PCDHB8: variants seen among roughly 807,000 people sequenced by gnomAD.
The protein encoded by PCDHB8 is protocadherin beta 8, also known as protocadherin beta-8.
For synonymous variants in PCDHB8, 385 were observed against 448.5 expected, an observed-to-expected ratio of 0.86 and a Z score of 1.79; for missense variants, 836 against 1,004.0, an observed-to-expected ratio of 0.83 and a Z score of 2.26.
Position 141,180,108 on chromosome 5 carries a change from G to T in PCDHB8, c.2074G>T (p.Val692Leu), listed in dbSNP as rs782304914. 2.4e-5 allele frequency: 39 copies of T among 1,610,764 alleles called. No homozygotes were observed. The highest frequency in any genetic ancestry group is 1.4e-4 in the South Asian group (13 of 90,998). ...GGCCGACTCTCTCACCGTCTACCTG[G>T]TGGTGGCGTTGGCCTCGGTGTCTTC... ...GQADSLTVYL[V>L]VALASVSSLF... Residue 692 changes from valine (V) to leucine (L), a missense_variant, in exon 1 of 1, where the codon GTG (valine) becomes TTG (leucine). Val to Leu is a conservative substitution (Grantham distance 32, BLOSUM62 1). Transcript: ENST00000239444.
In PCDHB8 at chr5:141,177,950, T is replaced by G. The variant is rs1554280818; in HGVS notation, c.-85T>G. 3 of 1,597,602 alleles carry G rather than the reference T, an allele frequency of 1.9e-6. No individual in the cohort carries two copies. The highest frequency in any genetic ancestry group is 1.4e-5 in the African/African-American group (1 of 73,582). On this transcript the variant is annotated 5_prime_UTR_variant, in exon 1 of 1. Transcript: ENST00000239444. ...TACTCACTGGCATATTTCTGAGGTATCTGTAGAAAACCACAGCCTCAGATA... is the reference window on the plus strand; with the variant it reads ...TACTCACTGGCATATTTCTGAGGTAGCTGTAGAAAACCACAGCCTCAGATA...
At position 141,178,949 on chromosome 5, in the gene PCDHB8, G is replaced by C; in HGVS notation, c.915G>C (p.Lys305Asn). 1 of 1,614,214 alleles carries C rather than the reference G, an allele frequency of 6.2e-7. No individual in the cohort carries two copies. Among genetic ancestry groups the C allele is most frequent in the Non-Finnish European group, 8.5e-7 (1 of 1,180,038 alleles). Residue 305 changes from lysine (K) to asparagine (N), a missense_variant, in exon 1 of 1, where the codon AAG becomes AAC. Coordinates refer to ENST00000239444, the MANE Select transcript of PCDHB8 (RefSeq NM_019120.5). Reference sequence around the variant, plus strand: ...TCTTGACAGGAGAAATTCGACTAAAGAAACAACTTGATTTCGAAAAATTTC... The same window carrying C: ...TCTTGACAGGAGAAATTCGACTAAACAAACAACTTGATTTCGAAAAATTTC... ...VDFLTGEIRL[K>N]KQLDFEKFQS...
Position 141,179,541 on chromosome 5 carries a change from T to C in PCDHB8, c.1507T>C (p.Ser503Pro). 2 of 1,613,738 alleles carry C rather than the reference T, an allele frequency of 1.2e-6. No homozygotes were observed. The highest frequency in any genetic ancestry group is 1.7e-6 in the Non-Finnish European group (2 of 1,180,004). ...CCAGGATCCGCACCTGCCCCTCGCC[T>C]CCCTGGTCTCCATCAACACAGACAA... ...PPQDPHLPLA[S>P]LVSINTDNGH... Residue 503 changes from serine (S) to proline (P), a missense_variant, in exon 1 of 1, where the codon TCC becomes CCC. Physicochemically the swap from Ser to Pro is moderately conservative, Grantham distance 74 (BLOSUM62 -1). Coordinates refer to ENST00000239444, the MANE Select transcript of PCDHB8 (RefSeq NM_019120.5).
rs1288264307 is a variant in PCDHB8, at chr5:141,179,780, G to A, written c.1746G>A (p.Glu582=). The change falls in exon 1 of 1, where the codon GAG becomes GAA. Residue 582 remains glutamate, a synonymous_variant. Transcript: ENST00000239444. ...CCGAGCTGGTGCCCCGGGCGGCCGA[G>A]CCGGGCTACCTGGTGACCAAGGTGG... is the stretch of plus-strand genomic sequence containing the variant. The part of the protein sequence containing the change: ...PCTELVPRAA[E]PGYLVTKVVA... 1.2e-6 allele frequency: 2 copies of A among 1,610,724 alleles called. No homozygotes were observed. Among genetic ancestry groups the A allele is most frequent in the African/African-American group, 1.3e-5 (1 of 74,864 alleles).
In PCDHB8 at chr5:141,179,666, C is replaced by A. The variant is rs61741179; in HGVS notation, c.1632C>A (p.Ser544Arg). 4 of 1,612,546 alleles carry A rather than the reference C, an allele frequency of 2.5e-6. No individual in the cohort carries two copies. In the South Asian group the frequency reaches 3.3e-5, roughly 13 times the overall value. The change falls in exon 1 of 1, where the codon AGC becomes AGA. Residue 544 changes from serine to arginine, a missense_variant. By Grantham distance (110) the Ser-to-Arg change is moderately radical (BLOSUM62 -1). Transcript: ENST00000239444. ...ACCGCGGCTCCCCGGCTTTGAGCAG[C>A]GAGGCGCTGGTGCGCGTGCTGGTGC... ...ASDRGSPALS[S>R]EALVRVLVLD...
At position 141,179,235 on chromosome 5, in the gene PCDHB8, T is replaced by C; in HGVS notation, c.1201T>C (p.Phe401Leu). 1 of 1,614,166 alleles carries C rather than the reference T, an allele frequency of 6.2e-7. No individual in the cohort carries two copies. The highest frequency in any genetic ancestry group is 1.1e-5 in the South Asian group (1 of 91,088). The change falls in exon 1 of 1, where the codon TTT becomes CTT. Residue 401 changes from phenylalanine to leucine, a missense_variant. Transcript: ENST00000239444. ...CCTCCTGAAATCTTCTGTGGGGAAC[T>C]TTTACACCCTACTAACAGAGACACC... ...PFLLKSSVGN[F>L]YTLLTETPLD... is the part of the protein sequence containing the mutation.
In PCDHB8 at chr5:141,179,348, G is replaced by T; in HGVS notation, c.1314G>T (p.Met438Ile). The T allele has an allele frequency of 6.2e-7, 1 of 1,614,238 alleles. No individual in the cohort carries two copies. The highest frequency in any genetic ancestry group is 8.5e-7 in the Non-Finnish European group (1 of 1,180,048). The change falls in exon 1 of 1, where the codon ATG becomes ATT. Residue 438 changes from methionine to isoleucine, a missense_variant. Met to Ile is a conservative substitution (Grantham distance 10). Transcript: ENST00000239444. ...GTPRLTTHLN[M>I]TVLVSDVNDN... ...CCAGGCTGACAACACATCTCAATAT[G>T]ACCGTGCTGGTGTCGGACGTCAATG...
Position 141,179,324 on chromosome 5 carries a change from C to G in PCDHB8, c.1290C>G (p.Pro430=). ...VTITVTDLGT[P]RLTTHLNMTV... is the part of the protein sequence containing the mutation. ...TCACCGTCACTGACTTAGGGACACCCAGGCTGACAACACATCTCAATATGA... is the reference window on the plus strand; with the variant it reads ...TCACCGTCACTGACTTAGGGACACCGAGGCTGACAACACATCTCAATATGA... The change falls in exon 1 of 1, where the codon CCC becomes CCG. Residue 430 remains proline, a synonymous_variant. Transcript: ENST00000239444. 6.2e-7 allele frequency: 1 copy of G among 1,614,254 alleles called. No homozygotes were observed. The highest frequency in any genetic ancestry group is 8.5e-7 in the Non-Finnish European group (1 of 1,180,052).
chr5:141,179,244 C>A lies in PCDHB8; in HGVS notation c.1210C>A (p.Leu404Ile), dbSNP rs1370663255. The A allele has an allele frequency of 6.2e-7, 1 of 1,614,070 alleles. No homozygotes were observed. The highest frequency in any genetic ancestry group is 1.3e-5 in the African/African-American group (1 of 74,920). The change falls in exon 1 of 1, where the codon CTA (leucine) becomes ATA (isoleucine). Residue 404 changes from leucine (L) to isoleucine (I), a missense_variant. Transcript: ENST00000239444. ...LKSSVGNFYT[L>I]LTETPLDRES... ...ATCTTCTGTGGGGAACTTTTACACC[C>A]TACTAACAGAGACACCACTAGACAG...
chr5:141,180,478 T>C lies in PCDHB8; in HGVS notation c.*38T>C. On this transcript the variant is annotated 3_prime_UTR_variant, in exon 1 of 1. Coordinates refer to ENST00000239444, the MANE Select transcript of PCDHB8 (RefSeq NM_019120.5). ...TATATATTTTAATTTTTATGATCAA[T>C]TCAAAGGAATGGTTTTCTGTCAACT... 2 of 1,358,686 alleles carry C rather than the reference T, an allele frequency of 1.5e-6. No individual in the cohort carries two copies. Among genetic ancestry groups the C allele is most frequent in the Middle Eastern group, 5.4e-4 (2 of 3,674 alleles). 84.2% of individuals were successfully genotyped at this position (1,358,686 alleles called of 1,614,324 possible).
At position 141,179,261 on chromosome 5, in the gene PCDHB8, A is replaced by G. The variant is rs782787528; in HGVS notation, c.1227A>G (p.Pro409=). The change falls in exon 1 of 1, where the codon CCA becomes CCG. Residue 409 remains proline, a synonymous_variant. Coordinates refer to ENST00000239444, the MANE Select transcript of PCDHB8 (RefSeq NM_019120.5). ...GNFYTLLTET[P]LDRESRAEYN... The stretch of plus-strand genomic sequence containing the variant: ...TTTACACCCTACTAACAGAGACACC[A>G]CTAGACAGAGAAAGCAGAGCCGAGT... The G allele has an allele frequency of 1.2e-6, 2 of 1,614,210 alleles. No homozygotes were observed. Among genetic ancestry groups the G allele is most frequent in the Non-Finnish European group, 1.7e-6 (2 of 1,180,038 alleles).
In PCDHB8 at chr5:141,179,277, AG is replaced by A; in HGVS notation, c.1244del (p.Arg415LysfsTer13). The A allele has an allele frequency of 6.2e-7, 1 of 1,614,272 alleles. No homozygotes were observed. Among genetic ancestry groups the A allele is most frequent in the Non-Finnish European group, 8.5e-7 (1 of 1,180,046 alleles). On this transcript the variant is annotated frameshift_variant, in exon 1 of 1. Transcript: ENST00000239444. LOFTEE classifies it low-confidence loss of function (END_TRUNC). Reference sequence around the variant, plus strand: ...AGAGACACCACTAGACAGAGAAAGCAGAGCCGAGTACAACGTCACTATCACC... The same window carrying A: ...AGAGACACCACTAGACAGAGAAAGCAAGCCGAGTACAACGTCACTATCACC... ...LTETPLDRES[R>X]AEYNVTITVT...
rs781849388 is a variant in PCDHB8 at position 141,178,648 on chromosome 5, A to C, written c.614A>C (p.Glu205Ala). The C allele has an allele frequency of 6.2e-7, 1 of 1,612,630 alleles. No individual in the cohort carries two copies. The highest frequency in any genetic ancestry group is 1.3e-5 in the African/African-American group (1 of 74,818). ...CTGGACAAAGCGCTGGACCGAGAGG[A>C]AGAAGCTGAGCTCAGGTTAACACTC... ...LVLDKALDREEEAELRLTLTA... is the reference protein window; with the variant it reads ...LVLDKALDREAEAELRLTLTA... Residue 205 changes from glutamate (E) to alanine (A), a missense_variant, in exon 1 of 1, where the codon GAA becomes GCA. By Grantham distance (107) the Glu-to-Ala change is moderately radical. Transcript: ENST00000239444.
In PCDHB8 at chr5:141,180,524, A is replaced by G. The variant is rs1753537900; in HGVS notation, c.*84A>G. The stretch of plus-strand genomic sequence containing the variant: ...CAACTTAGCATAAATTTTAAATTAC[A>G]CTACATTTGCCCATAGTATTTGTCT... On this transcript the variant is annotated 3_prime_UTR_variant, in exon 1 of 1. Coordinates refer to ENST00000239444, the MANE Select transcript of PCDHB8 (RefSeq NM_019120.5). 8.5e-6 allele frequency: 9 copies of G among 1,053,278 alleles called. No homozygotes were observed. The East Asian group carries it at 2.1e-4, about 25-fold the overall frequency. The allele number at this position is 1,053,278 out of a possible 1,614,324, so 65.2% of individuals were successfully genotyped here.
In PCDHB8 at chr5:141,180,233, T is replaced by C; in HGVS notation, c.2199T>C (p.Phe733=). ...GCTGCTCAGTGCCTGAGGGCCCCTT[T>C]CCAGGGCATCTGGTGGACGTGAGGG... The part of the protein sequence containing the change: ...VGRCSVPEGP[F]PGHLVDVRGT... Residue 733 remains phenylalanine, a synonymous_variant, in exon 1 of 1, where the codon TTT becomes TTC. Transcript: ENST00000239444. 2.5e-6 allele frequency: 4 copies of C among 1,613,356 alleles called. No homozygotes were observed. The highest frequency in any genetic ancestry group is 3.4e-6 in the Non-Finnish European group (4 of 1,179,900).
rs781822091 is a variant in PCDHB8, at chr5:141,179,009, T to A, written c.975T>A (p.Ala325=). 6.2e-7 allele frequency: 1 copy of A among 1,614,248 alleles called. No homozygotes were observed. Among genetic ancestry groups the A allele is most frequent in the South Asian group, 1.1e-5 (1 of 91,086 alleles). The part of the protein sequence containing the change: ...SYEVNIEARD[A]GGFSGKCTVL... ...AAGTCAATATCGAGGCGAGAGATGC[T>A]GGAGGCTTTTCTGGAAAATGCACCG... The change falls in exon 1 of 1, where the codon GCT becomes GCA. Residue 325 remains alanine (A), a synonymous_variant. Coordinates refer to ENST00000239444, the MANE Select transcript of PCDHB8 (RefSeq NM_019120.5).
In PCDHB8 at chr5:141,177,898, A is replaced by T. The variant is rs1554280813; in HGVS notation, c.-137A>T. ...CACGGGGAGCTTGGATGCCAAAGGG[A>T]GGACGGCTGGGTCCTCTGGAGAGGA... On this transcript the variant is annotated 5_prime_UTR_variant, in exon 1 of 1. Transcript: ENST00000239444. The T allele has an allele frequency of 2.2e-6, 2 of 907,174 alleles. No homozygotes were observed. The allele number at this position is 907,174 out of a possible 1,614,324, so 56.2% of individuals were successfully genotyped here.
chr5:141,178,664 G>T lies in PCDHB8; in HGVS notation c.630G>T (p.Arg210Ser), dbSNP rs1753444038. ...ALDREEEAEL[R>S]LTLTALDGGS... ...ACCGAGAGGAAGAAGCTGAGCTCAGGTTAACACTCACAGCACTGGATGGTG... is the reference window on the plus strand; with the variant it reads ...ACCGAGAGGAAGAAGCTGAGCTCAGTTTAACACTCACAGCACTGGATGGTG... The change falls in exon 1 of 1, where the codon AGG becomes AGT. Residue 210 changes from arginine (R) to serine (S), a missense_variant. Physicochemically the swap from Arg to Ser is moderately radical, Grantham distance 110. Coordinates refer to ENST00000239444, the MANE Select transcript of PCDHB8 (RefSeq NM_019120.5). The T allele has an allele frequency of 6.2e-7, 1 of 1,611,536 alleles. No homozygotes were observed. The highest frequency in any genetic ancestry group is 8.5e-7 in the Non-Finnish European group (1 of 1,179,022).
Position 141,180,316 on chromosome 5 carries a change from G to C in PCDHB8, c.2282G>C (p.Gly761Ala), listed in dbSNP as rs1260041144. ...GAGGTGTGCCTGGCAGGAGGCTCAG[G>C]GACGAATGAGTTCCAGCTCCTGAAA... is the stretch of plus-strand genomic sequence containing the variant. ...QYEVCLAGGS[G>A]TNEFQLLKPV... is the part of the protein sequence containing the mutation. Residue 761 changes from glycine (G) to alanine (A), a missense_variant, in exon 1 of 1, where the codon GGG becomes GCG. Transcript: ENST00000239444. 6.2e-7 allele frequency: 1 copy of C among 1,614,086 alleles called. No individual in the cohort carries two copies. The highest frequency in any genetic ancestry group is 1.1e-5 in the South Asian group (1 of 91,078).
Sources: gnomAD v4.1 joint callset for allele counts on GRCh38, gnomAD v4.1.1 for gene constraint, MANE v1.5 for transcripts, NCBI Gene and HGNC (gene_info 2026-07-23, HGNC 2026-07-21) for gene names.